The following LRP1B variants were observed in gnomAD, a reference collection of about 807,000 sequenced individuals.
LRP1B encodes the protein LDL receptor related protein 1B.
A neutral mutation model predicts 556.6 loss-of-function variants in LRP1B; 217 were observed. That is an observed-to-expected ratio of 0.39 (90% confidence interval 0.35 to 0.44). LRP1B has a LOEUF of 0.44. Among genes scored for constraint, LRP1B ranks in the 20% least tolerant of loss-of-function variants. The probability of loss-of-function intolerance (pLI) is 1.00; values close to 1 mark genes in which losing one functional copy is unlikely to be tolerated. For synonymous variants in LRP1B, 2,047 were observed against 1,865.8 expected, an observed-to-expected ratio of 1.10 and a Z score of -2.50; for missense variants, 5,053 against 5,620.8, an observed-to-expected ratio of 0.90 and a Z score of 3.23.
chr2:140,521,911 GA>G (rs1427780069), intron 49 of LRP1B, among the ~76,000 whole-genome samples: 4 of 151,678 alleles, frequency 2.6e-5, no homozygotes, highest in Admixed American at 1.3e-4. Context: ...AACAACAGTA[GA>G]AAAAAATAAA....
chr2:140,247,448 T>C (rs1681216434), intron 86 of LRP1B, among the ~76,000 whole-genome samples: 1 of 151,596 alleles, frequency 6.6e-6, no homozygotes, highest in Admixed American at 6.6e-5. Flanking sequence ...AAATCTTGAT[T>C]AAGAATTGGA....
chr2:141,468,409 G>A (rs1489401072), intron 3 of LRP1B, among the ~76,000 whole-genome samples: 1 of 152,028 alleles, frequency 6.6e-6, no homozygotes, highest in Non-Finnish European at 1.5e-5. Context: ...CATTTTATCT[G>A]GATATCCAAT....
intron 51 of LRP1B, among the ~76,000 whole-genome samples, chr2:140,512,318 A>G (rs1345524283): frequency 6.6e-6 from 1 of 152,194 alleles, no homozygotes; most frequent in Non-Finnish European, 1.5e-5. Flanking sequence ...AGAACATGCC[A>G]AAACATCATA....
chr2:141,177,830 A>G (rs1416804622), intron 7 of LRP1B, among the ~76,000 whole-genome samples: 2 of 152,198 alleles, frequency 1.3e-5, no homozygotes, highest in East Asian at 3.9e-4. Context: ...TTAAGCAAGA[A>G]AAGTTCAATT....
chr2:141,798,727 A>G (rs939819566), intron 2 of LRP1B, among the ~76,000 whole-genome samples: 4 of 151,088 alleles, frequency 2.6e-5, no homozygotes, highest in African/African-American at 9.8e-5. Context: ...AAAAAAAAAA[A>G]AAGAATATAT....
At chr2:142,128,795 G>C (rs1273001741) in intron 1 of LRP1B, among the ~76,000 whole-genome samples, 1 of 152,102 alleles carries the variant, frequency 6.6e-6, no homozygotes, top group East Asian at 1.9e-4. Context: ...TTCTATCTTA[G>C]ATGTTCCTCT....
intron 1 of LRP1B, among the ~76,000 whole-genome samples, chr2:142,035,089 A>C (rs1184298745): frequency 6.6e-6 from 1 of 151,752 alleles, no homozygotes; most frequent in Non-Finnish European, 1.5e-5. Flanking sequence ...ATAAGCCATT[A>C]AAAAGTGGAC....
chr2:141,119,418 T>C (rs556088067), intron 7 of LRP1B, among the ~76,000 whole-genome samples: 4 of 151,870 alleles, frequency 2.6e-5, no homozygotes, highest in African/African-American at 9.7e-5. Flanking sequence ...CTAAAAGTTT[T>C]CAATTAAAAA....
chr2:142,125,833 C>T (rs372925833), intron 1 of LRP1B, among the ~76,000 whole-genome samples: 2 of 152,008 alleles, frequency 1.3e-5, no homozygotes, highest in Non-Finnish European at 1.5e-5. Context: ...TACTCTCCCC[C>T]CTCCTCTGCC....
At chr2:140,878,719 A>G (rs987173347) in intron 25 of LRP1B, among the ~76,000 whole-genome samples, 1 of 152,160 alleles carries the variant, frequency 6.6e-6, no homozygotes, top group African/African-American at 2.4e-5. Flanking sequence ...GCTTAAAAAA[A>G]TAAGAGGCCA....
intron 6 of LRP1B, among the ~76,000 whole-genome samples, chr2:141,193,768 C>A (rs1320125820): frequency 6.6e-6 from 1 of 150,920 alleles, no homozygotes; most frequent in Admixed American, 6.6e-5. Context: ...AAAGTCAAAT[C>A]TTGCTTAAAA....
rs771564385 is a variant in LRP1B, at chr2:140,501,797, C to T, written c.8740G>A (p.Asp2914Asn). 1 of 1,612,894 alleles carries T rather than the reference C, an allele frequency of 6.2e-7. No homozygotes were observed. Among genetic ancestry groups the T allele is most frequent in the East Asian group, 2.2e-5 (1 of 44,832 alleles). Reference sequence around the variant, plus strand: ...TCATCTGAACCATCGCCACAGTCATCCTTATTGTCGCAAAGACCTCCACTG... The same window carrying T: ...TCATCTGAACCATCGCCACAGTCATTCTTATTGTCGCAAAGACCTCCACTG... ...IPSGGLCDNKDDCGDGSDERN... is the reference protein window; with the variant it reads ...IPSGGLCDNKNDCGDGSDERN... The change falls in exon 55 of 91, where the codon GAT becomes AAT. Residue 2914 changes from aspartate to asparagine, a missense_variant. Transcript: ENST00000389484.
Position 141,067,660 on chromosome 2 carries a change from G to A in LRP1B, c.1014-5387C>T, listed in dbSNP as rs1013674385. Among the ~76,000 whole-genome samples the A allele has an allele frequency of 5.3e-5, 8 of 151,922 alleles. 1 individual carries two copies. The South Asian group carries it at 6.2e-4, about 12-fold the overall frequency. ...GTTTCTGAGAGAGGCAGCCCTATGC[G>A]CAGTAGCATAATACCATTTATCTCC... On this transcript the variant is annotated intron_variant, in intron 7 of 90. Transcript: ENST00000389484.
intron 25 of LRP1B, among the ~76,000 whole-genome samples, chr2:140,881,088 C>T (rs1037555830): frequency 6.6e-6 from 1 of 152,106 alleles, no homozygotes. Flanking sequence ...CTTTGAAGCT[C>T]ATATCAATGC....
intron 41 of LRP1B, among the ~76,000 whole-genome samples, chr2:140,638,951 T>C (rs922911862): frequency 9.9e-5 from 15 of 152,032 alleles, no homozygotes; most frequent in African/African-American, 3.6e-4. Context: ...AATTTCACCA[T>C]TGTGCTTAAT....
intron 86 of LRP1B, among the ~76,000 whole-genome samples, chr2:140,251,677 T>G (rs1215959504): frequency 3.3e-5 from 5 of 151,838 alleles, no homozygotes; most frequent in Non-Finnish European, 7.4e-5. Context: ...ATATACCCCT[T>G]TCTTTCTCTA....
At chr2:141,009,658 C>T (rs747531872) in intron 14 of LRP1B, among the ~76,000 whole-genome samples, 15 of 151,848 alleles carry the variant, frequency 9.9e-5, no homozygotes, top group Non-Finnish European at 1.8e-4. Flanking sequence ...TAAATAAAAA[C>T]TGCTATGTCT....
chr2:141,806,453 T>A (rs1048075008), intron 2 of LRP1B, among the ~76,000 whole-genome samples: 2 of 152,046 alleles, frequency 1.3e-5, no homozygotes, highest in Non-Finnish European at 2.9e-5. Context: ...AAGGCTTTCA[T>A]TTTTATGACT....
chr2:141,361,183 A>G (rs182249915), intron 3 of LRP1B, among the ~76,000 whole-genome samples: 3 of 152,302 alleles, frequency 2.0e-5, no homozygotes, highest in Non-Finnish European at 4.4e-5. Context: ...TGGGACCAAA[A>G]TCAATGACAA....
Sources: allele counts gnomAD v4.1 joint callset (sites outside exome capture counted in the v4.1 genomes callset), GRCh38; gene constraint gnomAD v4.1.1; transcripts MANE v1.5; gene names NCBI Gene and HGNC (gene_info 2026-07-23, HGNC 2026-07-21).